Variants in PSMA1 observed in about 807,000 individuals in gnomAD.
The protein encoded by PSMA1 is proteasome 20S subunit alpha 1, also known as proteasome subunit alpha type-1.
A neutral mutation model predicts 38.4 loss-of-function variants in PSMA1; 3 were observed. That is an observed-to-expected ratio of 0.08 (90% confidence interval 0.04 to 0.20). PSMA1 has a LOEUF of 0.20. PSMA1 is among the 10% of genes least tolerant of loss of function. PSMA1 has a pLI of 1.00. For synonymous variants in PSMA1, 101 were observed against 107.1 expected (o/e 0.94, Z 0.35); for missense variants, 227 against 325.3 (o/e 0.70, Z 2.32).
intron 1 of PSMA1, among the ~76,000 whole-genome samples, chr11:14,612,423 C>T (rs971559300): frequency 3.3e-5 from 5 of 151,914 alleles, no homozygotes; most frequent in African/African-American, 7.3e-5. Context: ...TATGTATTAT[C>T]GTGTACAATA....
chr11:14,587,894 T>C (rs894834790), intron 2 of PSMA1, among the ~76,000 whole-genome samples: 3 of 152,242 alleles, frequency 2.0e-5, no homozygotes, highest in African/African-American at 7.2e-5. Context: ...TTTTTGTGTC[T>C]CAGTGCTTTA....
upstream of PSMA1, chr11:14,520,702 TC>T (rs1851515132): frequency 3.6e-6 from 1 of 278,008 alleles, no homozygotes; most frequent in African/African-American, 2.2e-5. Flanking sequence ...ATACTAGCTC[TC>T]ATTAACCGTC....
At chr11:14,561,702 T>C (rs1830162618) in intron 2 of PSMA1, among the ~76,000 whole-genome samples, 1 of 152,172 alleles carries the variant, frequency 6.6e-6, no homozygotes, top group Non-Finnish European at 1.5e-5. Context: ...ATCTGCTCAA[T>C]GTAGCCATGC....
At chr11:14,586,628 T>C (rs999014181) in intron 2 of PSMA1, among the ~76,000 whole-genome samples, 3 of 152,218 alleles carry the variant, frequency 2.0e-5, no homozygotes, top group African/African-American at 7.2e-5. Context: ...GGTAGTTTTT[T>C]CTGTGTGGAA....
intron 2 of PSMA1, among the ~76,000 whole-genome samples, chr11:14,528,826 C>T (rs566968092): frequency 6.6e-6 from 1 of 152,258 alleles, no homozygotes; most frequent in East Asian, 1.9e-4. Context: ...TAAGAAGGTT[C>T]TTTGTAATTC....
chr11:14,590,582 G>A (rs1338935398), intron 2 of PSMA1, among the ~76,000 whole-genome samples: 1 of 152,166 alleles, frequency 6.6e-6, no homozygotes, highest in Non-Finnish European at 1.5e-5. Flanking sequence ...ATGTCTTTAA[G>A]ATGTAGAAGT....
intron 2 of PSMA1, among the ~76,000 whole-genome samples, chr11:14,562,896 T>C (rs1852026355): frequency 6.6e-6 from 1 of 152,144 alleles, no homozygotes. Flanking sequence ...TTTACAATTA[T>C]TATGTCAAGT....
chr11:14,617,778 CTG>C (rs1371349342), intron 1 of PSMA1, among the ~76,000 whole-genome samples: 1 of 151,638 alleles, frequency 6.6e-6, no homozygotes, highest in Non-Finnish European at 1.5e-5. Flanking sequence ...GTTACCGCTG[CTG>C]TGACTCATGG....
intron 2 of PSMA1, among the ~76,000 whole-genome samples, chr11:14,599,615 T>G (rs1043664863): frequency 6.6e-6 from 1 of 152,200 alleles, no homozygotes; most frequent in African/African-American, 2.4e-5. Flanking sequence ...TTCTCTCTGC[T>G]GTTTATTCTA....
intron 4 of PSMA1, among the ~76,000 whole-genome samples, chr11:14,514,843 A>C (rs1182807310): frequency 2.0e-5 from 3 of 152,228 alleles, no homozygotes; most frequent in African/African-American, 7.2e-5. Context: ...TCGAACCAGC[A>C]AAAAGATTAT....
At chr11:14,614,770 T>G (rs10741651) in intron 1 of PSMA1, among the ~76,000 whole-genome samples, 69,859 of 151,960 alleles carry the variant, frequency 0.46, 16,077 homozygotes, top group East Asian at 0.53. Flanking sequence ...CTGCTTTAGT[T>G]CCATTCACCT....
chr11:14,574,977 A>G (rs2134180173), intron 2 of PSMA1, among the ~76,000 whole-genome samples: 1 of 152,344 alleles, frequency 6.6e-6, no homozygotes, highest in African/African-American at 2.4e-5. Flanking sequence ...GCTCAGAAGA[A>G]GAAAGGAAAA....
At chr11:14,511,515 C>CA (rs35289797) in intron 7 of PSMA1, among the ~76,000 whole-genome samples, 49,635 of 151,984 alleles carry the variant, frequency 0.33, 9,150 homozygotes, top group South Asian at 0.44. Flanking sequence ...AACTGAAAGT[C>CA]AGTGTAATTT....
intron 2 of PSMA1, among the ~76,000 whole-genome samples, chr11:14,530,554 A>G (rs969654333): frequency 6.6e-6 from 1 of 152,172 alleles, no homozygotes; most frequent in African/African-American, 2.4e-5. Context: ...TTTCATATTT[A>G]TCTTTGTACA....
At chr11:14,615,246 T>C (rs939327906) in intron 1 of PSMA1, among the ~76,000 whole-genome samples, 1 of 152,202 alleles carries the variant, frequency 6.6e-6, no homozygotes, top group Non-Finnish European at 1.5e-5. Context: ...CTTAAGAAAG[T>C]GTTAGTCCCT....
intron 1 of PSMA1, among the ~76,000 whole-genome samples, chr11:14,624,488 G>A (rs1264119333): frequency 6.6e-6 from 1 of 152,108 alleles, no homozygotes; most frequent in Non-Finnish European, 1.5e-5. Flanking sequence ...AACTCTCAAT[G>A]GGGGATTTTG....
intron 2 of PSMA1, among the ~76,000 whole-genome samples, chr11:14,548,072 G>C (rs754770458): frequency 2.0e-5 from 3 of 151,824 alleles, no homozygotes; most frequent in Non-Finnish European, 2.9e-5. Context: ...TAATAATAAT[G>C]ATAGCAAAAA....
At chr11:14,598,474 T>C (rs1374916989) in intron 2 of PSMA1, among the ~76,000 whole-genome samples, 1 of 152,166 alleles carries the variant, frequency 6.6e-6, no homozygotes, top group Admixed American at 6.5e-5. Flanking sequence ...CTCTTCTTGT[T>C]GAATTAATCC....
At chr11:14,573,842 A>C (rs1020728275) in intron 2 of PSMA1, among the ~76,000 whole-genome samples, 1 of 152,214 alleles carries the variant, frequency 6.6e-6, no homozygotes, top group African/African-American at 2.4e-5. Context: ...ACTGGAGCAA[A>C]GGTCACTTTT....
Sources: allele counts gnomAD v4.1 joint callset (sites outside exome capture counted in the v4.1 genomes callset), GRCh38; gene constraint gnomAD v4.1.1; transcripts MANE v1.5; gene names NCBI Gene and HGNC (gene_info 2026-07-23, HGNC 2026-07-21).